CDKN2B-AS1: variants seen among roughly 807,000 people sequenced by gnomAD.
CDKN2B-AS1 encodes CDKN2B and CDKN2A antisense cis and trans regulatory RNA 1.
chr9:22,108,934 A>G (rs1395964966), intron 4 of CDKN2B-AS1, among the ~76,000 whole-genome samples: 1 of 152,158 alleles, frequency 6.6e-6, no homozygotes, highest in Non-Finnish European at 1.5e-5. Flanking sequence ...CAAAAACAAA[A>G]CAAAACAAAA....
intron 4 of CDKN2B-AS1, among the ~76,000 whole-genome samples, chr9:22,114,322 C>G (rs1825882841): frequency 6.6e-6 from 1 of 152,176 alleles, no homozygotes; most frequent in African/African-American, 2.4e-5. Flanking sequence ...CTTCCTGTCC[C>G]TTAAATATAT....
intron 1 of CDKN2B-AS1, among the ~76,000 whole-genome samples, chr9:22,041,749 CTT>C (rs1421149976): frequency 6.6e-6 from 1 of 151,970 alleles, no homozygotes; most frequent in Non-Finnish European, 1.5e-5. Context: ...AGCATTTTGA[CTT>C]ATGTTTTCAT....
chr9:22,058,191 T>C (rs1823653394), intron 4 of CDKN2B-AS1, among the ~76,000 whole-genome samples: 1 of 152,156 alleles, frequency 6.6e-6, no homozygotes, highest in Non-Finnish European at 1.5e-5. Flanking sequence ...CGAAACTCCA[T>C]CTCAAAAATG....
chr9:21,998,791 T>G (rs1820797804), intron 1 of CDKN2B-AS1, among the ~76,000 whole-genome samples: 1 of 152,202 alleles, frequency 6.6e-6, no homozygotes, highest in Non-Finnish European at 1.5e-5. Flanking sequence ...TAGGTAACTC[T>G]TGATTATCCA....
intron 4 of CDKN2B-AS1, among the ~76,000 whole-genome samples, chr9:22,105,061 C>G (rs964668316): frequency 2.6e-5 from 4 of 152,160 alleles, no homozygotes; most frequent in Admixed American, 1.3e-4. Context: ...AAGCTTGGGT[C>G]CTTAACCACC....
intron 4 of CDKN2B-AS1, among the ~76,000 whole-genome samples, chr9:22,080,138 A>G (rs1296694599): frequency 6.6e-6 from 1 of 152,216 alleles, no homozygotes; most frequent in Non-Finnish European, 1.5e-5. Context: ...TGAGCTGTTA[A>G]GGAATCCCAG....
chr9:22,018,795 G>A (rs1221619688), intron 1 of CDKN2B-AS1, among the ~76,000 whole-genome samples: 1 of 152,096 alleles, frequency 6.6e-6, no homozygotes, highest in African/African-American at 2.4e-5. Context: ...TTAGCTATCT[G>A]TAATATATTT....
At chr9:22,126,042 C>A (rs1818012392) in intron 4 of CDKN2B-AS1, among the ~76,000 whole-genome samples, 1 of 152,140 alleles carries the variant, frequency 6.6e-6, no homozygotes, top group Non-Finnish European at 1.5e-5. Flanking sequence ...CCTGCGCAGT[C>A]AAGAATTGCA....
intron 1 of CDKN2B-AS1, chr9:22,008,768 C>G (rs188670390): frequency 1.6e-5 from 26 of 1,609,582 alleles, no homozygotes; most frequent in Non-Finnish European, 2.1e-5. Flanking sequence ...CGCGCGCCCC[C>G]TGCCGGCGAG....
Position 22,008,982 on chromosome 9 carries a change from G to A in CDKN2B-AS1, n.29+13821G>A, listed in dbSNP as rs746010479. The A allele has an allele frequency of 6.8e-6, 11 of 1,613,146 alleles. No homozygotes were observed. In the Admixed American group the frequency reaches 1.8e-4, roughly 27 times the overall value. ...GCAGCCCCCAGACGCGCAGCGGCCC[G>A]GATAATCCACCGTTGGCCGTAAACT... On this transcript the variant is annotated intron_variant and non_coding_transcript_variant, in intron 1 of 4. Transcript: ENST00000650946.
intron 1 of CDKN2B-AS1, among the ~76,000 whole-genome samples, chr9:21,998,945 A>G (rs968470746): frequency 3.9e-5 from 6 of 152,228 alleles, no homozygotes; most frequent in African/African-American, 9.6e-5. Flanking sequence ...TATATAAATA[A>G]ATACATAATC....
intron 1 of CDKN2B-AS1, among the ~76,000 whole-genome samples, chr9:22,035,753 C>T (rs1040701832): frequency 2.0e-5 from 3 of 152,082 alleles, no homozygotes; most frequent in Non-Finnish European, 4.4e-5. Context: ...GTGGTGTTTC[C>T]AGAGATAAGT....
chr9:22,103,641 A>G (rs1428733219), intron 4 of CDKN2B-AS1, among the ~76,000 whole-genome samples: 2 of 152,224 alleles, frequency 1.3e-5, no homozygotes, highest in Non-Finnish European at 2.9e-5. Context: ...AATTTATAAG[A>G]TTAAAGTTAT....
At chr9:22,041,377 C>T (rs909784900) in intron 1 of CDKN2B-AS1, among the ~76,000 whole-genome samples, 2 of 151,892 alleles carry the variant, frequency 1.3e-5, no homozygotes, top group Admixed American at 6.6e-5. Context: ...TCCTCCTGTG[C>T]GATATTTTTC....
intron 1 of CDKN2B-AS1, chr9:22,012,500 G>A (rs1587396732): frequency 1.5e-6 from 1 of 668,806 alleles, no homozygotes. Flanking sequence ...GAAGAAGTGT[G>A]GCCACACCAA....
At chr9:22,104,610 A>G (rs1825597285) in intron 4 of CDKN2B-AS1, among the ~76,000 whole-genome samples, 1 of 152,236 alleles carries the variant, frequency 6.6e-6, no homozygotes, top group Non-Finnish European at 1.5e-5. Context: ...ATAAGAAGTT[A>G]AAGGGAAGCC....
chr9:22,005,733 CTCCTAAATAT>C lies in CDKN2B-AS1; in HGVS notation n.29+10573_29+10582del, dbSNP rs1431585309. 60 of 594,300 alleles carry C rather than the reference CTCCTAAATAT, an allele frequency of 1.0e-4. No homozygotes were observed. Among genetic ancestry groups the C allele is most frequent in the Admixed American group, 3.2e-4 (11 of 34,210 alleles). 36.8% of individuals were successfully genotyped at this position (594,300 alleles called of 1,614,324 possible). ...CAAACGACCCCTGGAATGTCACACACTCCTAAATATCCCTGGAAATCCGCTTCTCTGTGTT... is the reference window on the plus strand; with the variant it reads ...CAAACGACCCCTGGAATGTCACACACCCCTGGAAATCCGCTTCTCTGTGTT... On this transcript the variant is annotated intron_variant and non_coding_transcript_variant, in intron 1 of 4. Transcript: ENST00000650946. The surrounding 1 kb of genome is among the most constrained non-coding windows in gnomAD (Gnocchi z 4.9).
chr9:22,055,244 A>G (rs1251433547), intron 3 of CDKN2B-AS1, among the ~76,000 whole-genome samples: 1 of 152,174 alleles, frequency 6.6e-6, no homozygotes, highest in Non-Finnish European at 1.5e-5. Context: ...GATATCTGTC[A>G]TCTCATATGC....
At chr9:22,127,755 T>C (rs1459383363) in exon 5 of CDKN2B-AS1, among the ~76,000 whole-genome samples, 1 of 152,176 alleles carries the variant, frequency 6.6e-6, no homozygotes, top group Non-Finnish European at 1.5e-5. Flanking sequence ...GATTCATTGA[T>C]GAGATGTTGA....
Sources: allele counts gnomAD v4.1 joint callset (sites outside exome capture counted in the v4.1 genomes callset), GRCh38; gene constraint gnomAD v4.1.1; non-coding constraint Gnocchi (gnomAD v3.1); transcripts MANE v1.5; gene names NCBI Gene and HGNC (gene_info 2026-07-23, HGNC 2026-07-21).